The following RIMS2 variants were observed in gnomAD, a reference collection of about 807,000 sequenced individuals.
The protein encoded by RIMS2 is regulating synaptic membrane exocytosis 2.
In RIMS2, 59 loss-of-function variants were observed where a neutral mutation model predicts 174.4. The observed-to-expected ratio is 0.34, with a 90% CI of 0.27 to 0.42. RIMS2 has a LOEUF of 0.42. RIMS2 is among the 10% of genes least tolerant of loss of function. RIMS2 has a pLI of 1.00. For missense variants in RIMS2, 1,620 were observed against 1,666.3 expected, an observed-to-expected ratio of 0.97 and a Z score of 0.48; for synonymous variants, 606 against 572.5, an observed-to-expected ratio of 1.06 and a Z score of -0.84.
At chr8:104,125,802 G>T (rs938925231) in intron 19 of RIMS2, among the ~76,000 whole-genome samples, 4 of 152,036 alleles carry the variant, frequency 2.6e-5, no homozygotes, top group Admixed American at 6.6e-5. Flanking sequence ...CTTTCAAAAG[G>T]TCACACATAT....
At chr8:103,566,932 TA>T (rs1342211317) in intron 1 of RIMS2, among the ~76,000 whole-genome samples, 1 of 152,190 alleles carries the variant, frequency 6.6e-6, no homozygotes, top group Non-Finnish European at 1.5e-5. Context: ...AGTCTAATTT[TA>T]GAACATTTTG....
chr8:103,690,494 T>A (rs2097007994), intron 1 of RIMS2, among the ~76,000 whole-genome samples: 1 of 152,180 alleles, frequency 6.6e-6, no homozygotes, highest in South Asian at 2.1e-4. Flanking sequence ...ACCATGAAGT[T>A]AATAAATAAC....
At chr8:103,584,029 T>C (rs1237079817) in intron 1 of RIMS2, among the ~76,000 whole-genome samples, 1 of 152,126 alleles carries the variant, frequency 6.6e-6, no homozygotes, top group African/African-American at 2.4e-5. Flanking sequence ...TAAAGAAGAC[T>C]ACCTCAAGGC....
chr8:104,024,644 A>T (rs1174855491), intron 19 of RIMS2, among the ~76,000 whole-genome samples: 2 of 152,154 alleles, frequency 1.3e-5, no homozygotes, highest in Non-Finnish European at 2.9e-5. Context: ...GCCATTGAGG[A>T]TGCAAAGATG....
intron 5 of RIMS2, 47 bp from the exon 8 acceptor site, chr8:103,910,274 A>G (rs774459295): frequency 1.4e-6 from 2 of 1,476,820 alleles, no homozygotes; most frequent in Admixed American, 3.9e-5. Flanking sequence ...ACACCTTTGC[A>G]TGTTTCTTTT....
chr8:103,868,122 G>T (rs1248716924), intron 3 of RIMS2, among the ~76,000 whole-genome samples: 1 of 152,012 alleles, frequency 6.6e-6, no homozygotes, highest in East Asian at 1.9e-4. Context: ...GGATCACAGA[G>T]ATTGTAACAG....
intron 19 of RIMS2, among the ~76,000 whole-genome samples, chr8:104,136,719 T>G (rs1338883272): frequency 1.3e-5 from 2 of 152,162 alleles, no homozygotes; most frequent in Non-Finnish European, 2.9e-5. Context: ...ATACCACCTG[T>G]TCTCACTTAT....
intron 19 of RIMS2, among the ~76,000 whole-genome samples, chr8:104,229,588 C>T (rs533311751): frequency 6.6e-6 from 1 of 152,276 alleles, no homozygotes; most frequent in African/African-American, 2.4e-5. Flanking sequence ...GCATTCTTTT[C>T]CCATTTCTTG....
chr8:103,523,091 T>A lies in RIMS2; in HGVS notation c.176+22029T>A, dbSNP rs150602017. Among the ~76,000 whole-genome samples, 12 of 152,058 alleles carry A rather than the reference T, an allele frequency of 7.9e-5. No homozygotes were observed. The East Asian group carries it at 2.3e-3, about 29-fold the overall frequency. ...CAGGAATGATGATGGGATGTGTGTGTTTATGTGTGTGTGTGCATGTGTGTG... is the reference window on the plus strand; with the variant it reads ...CAGGAATGATGATGGGATGTGTGTGATTATGTGTGTGTGTGCATGTGTGTG... On this transcript the variant is annotated intron_variant, in intron 1 of 23. Coordinates refer to ENST00000504942, the Ensembl canonical transcript of RIMS2.
chr8:103,850,014 C>T lies in RIMS2; in HGVS notation c.699-35284C>T, dbSNP rs375801349. On this transcript the variant is annotated intron_variant, in intron 3 of 23. Transcript: ENST00000504942. ...ACGTAACTTTGTTAAAGAGGATGGACGTAGCAAAAGACAATTACTGAATGG... is the reference window on the plus strand; with the variant it reads ...ACGTAACTTTGTTAAAGAGGATGGATGTAGCAAAAGACAATTACTGAATGG... 2.4e-4 allele frequency among the ~76,000 whole-genome samples: 37 copies of T among 151,928 alleles called. No homozygotes were observed. The South Asian group carries it at 3.7e-3, about 15-fold the overall frequency.
At chr8:103,997,602 A>G (rs1171618874) in intron 17 of RIMS2, among the ~76,000 whole-genome samples, 2 of 151,766 alleles carry the variant, frequency 1.3e-5, no homozygotes, top group Admixed American at 1.3e-4. Flanking sequence ...AGCCAATAGC[A>G]TGTAATACAT....
At chr8:104,144,320 G>A (rs941870426) in intron 19 of RIMS2, among the ~76,000 whole-genome samples, 9 of 152,084 alleles carry the variant, frequency 5.9e-5, no homozygotes, top group Admixed American at 5.9e-4. Flanking sequence ...ATTTAGAAAT[G>A]TAAAAACAGT....
chr8:103,665,038 A>G lies in RIMS2; in HGVS notation c.177-32048A>G, dbSNP rs574111135. The stretch of plus-strand genomic sequence containing the variant: ...AACTATCACAGGGACAGAAAACCAA[A>G]CATCGCATGTTTTCACTCATAGGTG... On this transcript the variant is annotated intron_variant, in intron 1 of 23. Coordinates refer to ENST00000504942, the Ensembl canonical transcript of RIMS2. Among the ~76,000 whole-genome samples the G allele has an allele frequency of 1.6e-4, 25 of 152,312 alleles. No individual in the cohort carries two copies. In the South Asian group the frequency reaches 4.6e-3, roughly 28 times the overall value.
At chr8:103,698,512 T>C (rs1389060408) in intron 2 of RIMS2, among the ~76,000 whole-genome samples, 1 of 152,214 alleles carries the variant, frequency 6.6e-6, no homozygotes, top group East Asian at 1.9e-4. Flanking sequence ...ATATGTTTTT[T>C]ATTTTGTTTT....
At chr8:103,959,543 A>T (rs555235357) in intron 14 of RIMS2, among the ~76,000 whole-genome samples, 1 of 151,702 alleles carries the variant, frequency 6.6e-6, no homozygotes, top group Non-Finnish European at 1.5e-5. Flanking sequence ...AGCTGGGACT[A>T]CAGGTGCATG....
chr8:103,577,585 A>G (rs961544861), intron 1 of RIMS2, among the ~76,000 whole-genome samples: 2 of 152,234 alleles, frequency 1.3e-5, no homozygotes, highest in Non-Finnish European at 2.9e-5. Flanking sequence ...CATTCTGTAC[A>G]TGTATCCCAG....
chr8:103,935,113 A>G (rs1442341645), intron 12 of RIMS2, among the ~76,000 whole-genome samples: 6 of 152,346 alleles, frequency 3.9e-5, no homozygotes, highest in Middle Eastern at 3.4e-3. Flanking sequence ...CGTCAATGAT[A>G]TATGAGTAGA....
intron 1 of RIMS2, among the ~76,000 whole-genome samples, chr8:103,593,850 C>A: frequency 6.6e-6 from 1 of 150,586 alleles, no homozygotes; most frequent in Non-Finnish European, 1.5e-5. Context: ...AATTTAATTT[C>A]TAAAAAGTAG....
At chr8:103,803,333 C>T (rs768205439) in intron 3 of RIMS2, among the ~76,000 whole-genome samples, 9 of 152,166 alleles carry the variant, frequency 5.9e-5, no homozygotes, top group East Asian at 1.9e-4. Context: ...AAATGTAAGA[C>T]GTAACTTAGA....
Sources: allele counts gnomAD v4.1 joint callset (sites outside exome capture counted in the v4.1 genomes callset), GRCh38; gene constraint gnomAD v4.1.1; transcripts MANE v1.5; gene names NCBI Gene and HGNC (gene_info 2026-07-23, HGNC 2026-07-21).